QNG1: variants seen among roughly 807,000 people sequenced by gnomAD.
QNG1 encodes Q-nucleotide N-glycosylase 1, also known as queuosine 5'-phosphate N-glycosylase/hydrolase.
chr9:83,943,436 A>G, the QNG1 span, among the ~76,000 whole-genome samples: 4 of 152,074 alleles, frequency 2.6e-5, no homozygotes, highest in Non-Finnish European at 5.9e-5. Flanking sequence ...AAACAAAAAA[A>G]AAGCAGCTTA....
the QNG1 span, among the ~76,000 whole-genome samples, chr9:83,944,333 T>C: frequency 6.6e-6 from 1 of 152,214 alleles, no homozygotes; most frequent in African/African-American, 2.4e-5. Flanking sequence ...TCAATAATCA[T>C]ATCCAATAAT....
the QNG1 span, chr9:83,939,364 GC>G: frequency 1.6e-6 from 1 of 631,540 alleles, no homozygotes; most frequent in Non-Finnish European, 2.8e-6. Flanking sequence ...AAACCACTGT[GC>G]CCGGCCTAGG....
the QNG1 span, among the ~76,000 whole-genome samples, chr9:83,943,270 G>A: frequency 3.4e-5 from 5 of 148,714 alleles, no homozygotes; most frequent in Non-Finnish European, 7.4e-5. Context: ...AACCTGGGAG[G>A]CGGAGGTTCT....
At chr9:83,952,828 C>A in the QNG1 span, among the ~76,000 whole-genome samples, 1 of 147,512 alleles carries the variant, frequency 6.8e-6, no homozygotes, top group African/African-American at 2.5e-5. Context: ...ATTAGCTGTG[C>A]GTGGTAGTGG....
the QNG1 span, among the ~76,000 whole-genome samples, chr9:83,950,897 G>A: frequency 1.3e-5 from 2 of 151,788 alleles, no homozygotes; most frequent in African/African-American, 4.8e-5. Context: ...CATCGCACCT[G>A]GACAGTTAAG....
the QNG1 span, chr9:83,953,843 A>T: frequency 2.0e-6 from 3 of 1,537,598 alleles, no homozygotes; most frequent in Non-Finnish European, 2.6e-6. Context: ...GTTCAAGTAC[A>T]CTGTGTATGA....
chr9:83,943,745 G>A, the QNG1 span, among the ~76,000 whole-genome samples: 15 of 152,112 alleles, frequency 9.9e-5, no homozygotes, highest in African/African-American at 2.7e-4. Context: ...ACATAAGGCC[G>A]GGGTGGTGGC....
the QNG1 span, chr9:83,945,004 G>C: frequency 1.9e-6 from 3 of 1,562,066 alleles, no homozygotes; most frequent in Non-Finnish European, 2.6e-6. Context: ...TGAATGAAGA[G>C]AATATAAACG....
At chr9:83,948,490 C>G in the QNG1 span, among the ~76,000 whole-genome samples, 2 of 148,936 alleles carry the variant, frequency 1.3e-5, no homozygotes, top group Middle Eastern at 3.4e-3. Flanking sequence ...GGCGCCTCCG[C>G]CCGGCCACCG....
At chr9:83,947,902 G>C in the QNG1 span, among the ~76,000 whole-genome samples, 1 of 152,210 alleles carries the variant, frequency 6.6e-6, no homozygotes, top group Admixed American at 6.5e-5. Flanking sequence ...GCCTCTCAAA[G>C]TGCTGAGATT....
the QNG1 span, among the ~76,000 whole-genome samples, chr9:83,947,441 G>T: frequency 6.6e-6 from 1 of 152,158 alleles, no homozygotes; most frequent in African/African-American, 2.4e-5. Flanking sequence ...TATTGTAACA[G>T]ATCCAGACCT....
chr9:83,950,596 C>CT, the QNG1 span, among the ~76,000 whole-genome samples: 900 of 118,306 alleles, frequency 7.6e-3, 4 homozygotes, highest in Non-Finnish European at 0.011. Flanking sequence ...CTTTTCTTTT[C>CT]TTTTTTTTTT....
At chr9:83,956,322 G>C in the QNG1 span, 1 of 1,613,868 alleles carries the variant, frequency 6.2e-7, no homozygotes, top group African/African-American at 1.3e-5. Context: ...GGCCTCGTCG[G>C]CCGCCCTGGG....
At chr9:83,953,877 ACAG>A in the QNG1 span, 1 of 1,305,184 alleles carries the variant, frequency 7.7e-7, no homozygotes, top group Non-Finnish European at 1.1e-6. Flanking sequence ...AAATATATAT[ACAG>A]TACACTGAAC....
chr9:83,940,041 C>T, the QNG1 span, among the ~76,000 whole-genome samples: 1 of 151,996 alleles, frequency 6.6e-6, no homozygotes, highest in Admixed American at 6.6e-5. Context: ...AAGTGGTAAC[C>T]ATAAATTTAA....
At chr9:83,948,994 C>T in the QNG1 span, among the ~76,000 whole-genome samples, 4 of 150,306 alleles carry the variant, frequency 2.7e-5, no homozygotes, top group East Asian at 2.0e-4. Context: ...AAACCAGAGA[C>T]CCTTGTTCAC....
chr9:83,941,492 G>A, the QNG1 span, among the ~76,000 whole-genome samples: 1 of 152,266 alleles, frequency 6.6e-6, no homozygotes, highest in East Asian at 1.9e-4. Flanking sequence ...GGCTGGGGCT[G>A]AGAAGGGAGG....
the QNG1 span, among the ~76,000 whole-genome samples, chr9:83,954,865 G>A: frequency 1.1e-4 from 11 of 99,276 alleles, 1 homozygote; most frequent in Non-Finnish European, 1.5e-4. Flanking sequence ...GGGTGACAGA[G>A]TAAGAGTCCA....
At chr9:83,952,139 C>T in the QNG1 span, among the ~76,000 whole-genome samples, 1 of 151,638 alleles carries the variant, frequency 6.6e-6, no homozygotes, top group Non-Finnish European at 1.5e-5. Context: ...GGCATGCCAC[C>T]ACGCCTGGCT....
Sources: allele counts gnomAD v4.1 joint callset (sites outside exome capture counted in the v4.1 genomes callset), GRCh38; gene constraint gnomAD v4.1.1; transcripts MANE v1.5; gene names NCBI Gene and HGNC (gene_info 2026-07-23, HGNC 2026-07-21).